Variants in TTN observed in about 807,000 individuals in gnomAD.
TTN encodes connectin.
A neutral mutation model predicts 3,223.0 loss-of-function variants in TTN; 1,525 were observed. That is an observed-to-expected ratio of 0.47 (90% confidence interval 0.45 to 0.49). TTN has a LOEUF of 0.49. Ranked by LOEUF, TTN falls within the 20% of genes least tolerant of loss-of-function variation. TTN has a pLI of 0.00. For synonymous variants in TTN, 14,094 were observed against 15,161.0 expected, an observed-to-expected ratio of 0.93 and a Z score of 5.17; for missense variants, 40,786 against 43,424.0, an observed-to-expected ratio of 0.94 and a Z score of 5.40.
rs776532148 is a variant in TTN, at chr2:178,621,553, T to C, written c.45271A>G (p.Asn15091Asp). Residue 15091 changes from asparagine (N) to aspartate (D), a missense_variant, in exon 245 of 363, where the codon AAC (asparagine) becomes GAC (aspartate). Coordinates refer to ENST00000589042, the MANE Select transcript of TTN (RefSeq NM_001267550.2). ...EGRKRILVIQ[N>D]AHLEDAGNYN... ...TTGCCAGCATCCTCAAGGTGAGCGT[T>C]CTGAATGACCAGGATTCTCTTCCGT... The C allele has an allele frequency of 2.5e-6, 4 of 1,612,534 alleles. No homozygotes were observed. In the East Asian group the frequency reaches 9.0e-5, roughly 36 times the overall value.
chr2:178,625,500 T>C, intron 240 of TTN, 104 bp from the exon 241 acceptor site: 1 of 1,324,658 alleles, frequency 7.5e-7, no homozygotes, highest in Non-Finnish European at 9.8e-7. Flanking sequence ...TCCAAGTTGT[T>C]TTATAATCAT....
intron 18 of TTN, 27 bp from the exon 19 acceptor site, chr2:178,782,629 G>A (rs1323611850): frequency 1.9e-6 from 3 of 1,611,716 alleles, no homozygotes; most frequent in Admixed American, 1.7e-5. Context: ...GTTTCTCATT[G>A]AGATGAGATG....
chr2:178,795,250 G>A lies in TTN; in HGVS notation c.917C>T (p.Ser306Phe). Reference sequence around the variant, plus strand: ...GGAGATTCTTGCTGCTGGAGACACGGACCTGAAAACCAAAAGGCAGAGGTC... The same window carrying A: ...GGAGATTCTTGCTGCTGGAGACACGAACCTGAAAACCAAAAGGCAGAGGTC... ...VRAPTPSPVR[S>F]VSPAARISTS... Residue 306 changes from serine to phenylalanine, a missense_variant and splice_region_variant, in exon 7 of 363, where the codon TCC (serine) becomes TTC (phenylalanine). Transcript: ENST00000589042. 6.2e-7 allele frequency: 1 copy of A among 1,614,070 alleles called. No individual in the cohort carries two copies. The highest frequency in any genetic ancestry group is 8.5e-7 in the Non-Finnish European group (1 of 1,179,980).
chr2:178,572,573 G>A lies in TTN; in HGVS notation c.73559C>T (p.Pro24520Leu). Residue 24520 changes from proline to leucine, a missense_variant, in exon 326 of 363, where the codon CCA becomes CTA. Pro to Leu is a moderately conservative substitution (Grantham distance 98). Coordinates refer to ENST00000589042, the MANE Select transcript of TTN (RefSeq NM_001267550.2). Reference protein sequence around the residue: ...AFVNVRVLDTPGPPQDLKVKE... With the variant: ...AFVNVRVLDTLGPPQDLKVKE... ...TACCTTCAGATCCTGTGGGGGGCCT[G>A]GTGTATCGAGAACTCTAACATTGAC... is the stretch of plus-strand genomic sequence containing the variant. 1 of 1,613,426 alleles carries A rather than the reference G, an allele frequency of 6.2e-7. No homozygotes were observed. The highest frequency in any genetic ancestry group is 8.5e-7 in the Non-Finnish European group (1 of 1,179,616).
chr2:178,573,432 T>C lies in TTN; in HGVS notation c.72700A>G (p.Ile24234Val), dbSNP rs746673481. ...CAGACAACCATCGAATCTTTAGTAATAGTTGTCACTTCAGGGTTTTTGGGC... is the reference window on the plus strand; with the variant it reads ...CAGACAACCATCGAATCTTTAGTAACAGTTGTCACTTCAGGGTTTTTGGGC... ...DPPKNPEVTT[I>V]TKDSMVVCWG... is the part of the protein sequence containing the mutation. The change falls in exon 326 of 363, where the codon ATT (isoleucine) becomes GTT (valine). Residue 24234 changes from isoleucine (I) to valine (V), a missense_variant. Coordinates refer to ENST00000589042, the MANE Select transcript of TTN (RefSeq NM_001267550.2). The C allele has an allele frequency of 1.3e-6, 2 of 1,518,346 alleles. No homozygotes were observed. The highest frequency in any genetic ancestry group is 2.3e-5 in the Admixed American group (1 of 44,062). 94.1% of individuals were successfully genotyped at this position (1,518,346 alleles called of 1,614,324 possible). A position where few individuals can be genotyped will look rare whatever the true frequency, so the allele number is the denominator to read the frequency against.
chr2:178,712,269 G>C (rs371559135), intron 95 of TTN, 46 bp downstream of exon 95: 1 of 1,608,352 alleles, frequency 6.2e-7, no homozygotes, highest in African/African-American at 1.3e-5. Flanking sequence ...AGACATGCCA[G>C]ATCATCGATT....
At position 178,718,732 on chromosome 2, in the gene TTN, A is replaced by T; in HGVS notation, c.24468T>A (p.Ala8156=). 1 of 1,613,846 alleles carries T rather than the reference A, an allele frequency of 6.2e-7. No individual in the cohort carries two copies. Among genetic ancestry groups the T allele is most frequent in the Non-Finnish European group, 8.5e-7 (1 of 1,179,750 alleles). Residue 8156 remains alanine, a synonymous_variant, in exon 84 of 363, where the codon GCT becomes GCA. Coordinates refer to ENST00000589042, the MANE Select transcript of TTN (RefSeq NM_001267550.2). ...GATGTGTGGTACAGGAAGCACTGCC[A>T]GCATCATTTGTAACGAGGCAAGAAT... ...GDYSCLVTND[A]GSASCTTHLF...
At chr2:178,608,542 T>A in intron 274 of TTN, 64 bp downstream of exon 274, 10 of 1,564,314 alleles carry the variant, frequency 6.4e-6, no homozygotes, top group Non-Finnish European at 7.8e-6. Flanking sequence ...TTTTAAAAGC[T>A]GTAGTAATTA....
At position 178,663,651 on chromosome 2, in the gene TTN, C is replaced by T. The variant is rs2163008; in HGVS notation, c.36508G>A (p.Glu12170Lys). Reference sequence around the variant, plus strand: ...CCTTTAACAGGTGGGACTTCAGGCTCTTTAGGAGGAGCCACTGGCGCTTTC... The same window carrying T: ...CCTTTAACAGGTGGGACTTCAGGCTTTTTAGGAGGAGCCACTGGCGCTTTC... ...EKKAPVAPPK[E>K]PEVPPVKVPE... Residue 12170 changes from glutamate to lysine, a missense_variant, in exon 171 of 363, where the codon GAG becomes AAG. Physicochemically the swap from Glu to Lys is moderately conservative, Grantham distance 56 (BLOSUM62 1). Coordinates refer to ENST00000589042, the MANE Select transcript of TTN (RefSeq NM_001267550.2). 0.099 allele frequency: 159,303 copies of T among 1,612,440 alleles called. 16,128 individuals carry two copies. The highest frequency in any genetic ancestry group is 0.47 in the African/African-American group (35,166 of 74,642).
At chr2:178,783,638 A>G in intron 17 of TTN, 82 bp downstream of exon 17, 1 of 1,241,362 alleles carries the variant, frequency 8.1e-7, no homozygotes, top group Non-Finnish European at 1.2e-6. Flanking sequence ...TATTAATTTG[A>G]GAAACTGATC....
At position 178,564,962 on chromosome 2, in the gene TTN, G is replaced by T. The variant is rs1705146813; in HGVS notation, c.81170C>A (p.Ala27057Asp). ...AATAACTGCCTTAGAATCCAGTGGG[G>T]CACTTTTTCCATACCTGTTTTCAGC... ...IFAENRYGKS[A>D]PLDSKAVIVQ... Residue 27057 changes from alanine (A) to aspartate (D), a missense_variant, in exon 326 of 363, where the codon GCC becomes GAC. Physicochemically the swap from Ala to Asp is moderately radical, Grantham distance 126. Coordinates refer to ENST00000589042, the MANE Select transcript of TTN (RefSeq NM_001267550.2). 1.2e-6 allele frequency: 2 copies of T among 1,611,896 alleles called. No individual in the cohort carries two copies. Among genetic ancestry groups the T allele is most frequent in the Admixed American group, 3.3e-5 (2 of 59,766 alleles).
rs10203085 is a variant in TTN at position 178,706,970 on chromosome 2, C to T, written c.29042-16G>A. 0.043 allele frequency: 68,276 copies of T among 1,588,458 alleles called. 3,160 individuals are homozygous for T. The highest frequency in any genetic ancestry group is 0.17 in the Admixed American group (9,601 of 56,134). The stretch of plus-strand genomic sequence containing the variant: ...GCTGGTTTGTCTGAAAAAACATTTA[C>T]ATGTTTTGTTACTACAATCACCTCA... On this transcript the variant is annotated splice_polypyrimidine_tract_variant and intron_variant, in intron 100 of 362. Coordinates refer to ENST00000589042, the MANE Select transcript of TTN (RefSeq NM_001267550.2).
At chr2:178,545,754 T>G in intron 343 of TTN, 61 bp from the exon 344 acceptor site, 1 of 1,597,188 alleles carries the variant, frequency 6.3e-7, no homozygotes, top group South Asian at 1.1e-5. Flanking sequence ...AGACTGCCCT[T>G]CTCCCTTCTC....
Position 178,582,294 on chromosome 2 carries a change from A to G in TTN, c.66160+2T>C, listed in dbSNP as rs753146898. 6.3e-7 allele frequency: 1 copy of G among 1,581,976 alleles called. No homozygotes were observed. The highest frequency in any genetic ancestry group is 2.0e-5 in the Admixed American group (1 of 51,124). Reference sequence around the variant, plus strand: ...TGAAAAACCACCGGGAAATGTTCCTACCATATGGGTTTTTGGCAATTGCTG... The same window carrying G: ...TGAAAAACCACCGGGAAATGTTCCTGCCATATGGGTTTTTGGCAATTGCTG... On this transcript the variant is annotated splice_donor_variant, in intron 314 of 362. Coordinates refer to ENST00000589042, the MANE Select transcript of TTN (RefSeq NM_001267550.2). LOFTEE classifies it high-confidence loss of function.
intron 256 of TTN, 45 bp downstream of exon 256, chr2:178,616,684 T>A (rs1298429256): frequency 3.1e-6 from 5 of 1,611,782 alleles, no homozygotes; most frequent in Non-Finnish European, 3.4e-6. Context: ...TAATATTTGT[T>A]AATACTGCCA....
intron 223 of TTN, among the ~76,000 whole-genome samples, chr2:178,638,669 C>T (rs2060823428): frequency 6.6e-6 from 1 of 151,224 alleles, no homozygotes; most frequent in Admixed American, 6.6e-5. Flanking sequence ...ATCTTAGATT[C>T]TTCACATCTT....
In TTN at chr2:178,616,476, C is replaced by T; in HGVS notation, c.48312+3G>A. 6.2e-7 allele frequency: 1 copy of T among 1,611,908 alleles called. No individual in the cohort carries two copies. The highest frequency in any genetic ancestry group is 1.1e-5 in the South Asian group (1 of 90,926). ...CATTGATGCAGTGCTGCTCAAAACT[C>T]ACTTTAGTCCATGTTTTCCGGCTGA... is the stretch of plus-strand genomic sequence containing the variant. On this transcript the variant is annotated splice_donor_region_variant and intron_variant, in intron 257 of 362. Coordinates refer to ENST00000589042, the MANE Select transcript of TTN (RefSeq NM_001267550.2).
Position 178,597,942 on chromosome 2 carries a change from C to A in TTN, c.57228G>T (p.Glu19076Asp), listed in dbSNP as rs1288756593. 6 of 1,613,318 alleles carry A rather than the reference C, an allele frequency of 3.7e-6. No individual in the cohort carries two copies. The South Asian group carries it at 6.6e-5, about 18-fold the overall frequency. The change falls in exon 293 of 363, where the codon GAG becomes GAT. Residue 19076 changes from glutamate (E) to aspartate (D), a missense_variant. Glu to Asp is a conservative substitution (Grantham distance 45, BLOSUM62 2). Coordinates refer to ENST00000589042, the MANE Select transcript of TTN (RefSeq NM_001267550.2). ...CCTTCATTTCAATGACATCTGTGAC[C>A]TCTCCAGGTTCTCCAATGCCAGCAA... ...VNIAGIGEPG[E>D]VTDVIEMKDR...
chr2:178,730,794 T>C lies in TTN; in HGVS notation c.17741-2A>G. ...TGAATGAAGGAGGTATGATAAGATC[T>C]ATTCAATGAAAAAGCAAACAACAAC... On this transcript the variant is annotated splice_acceptor_variant, in intron 60 of 362. Coordinates refer to ENST00000589042, the MANE Select transcript of TTN (RefSeq NM_001267550.2). LOFTEE classifies it high-confidence loss of function. The C allele has an allele frequency of 6.4e-7, 1 of 1,562,686 alleles. No individual in the cohort carries two copies. The highest frequency in any genetic ancestry group is 8.6e-7 in the Non-Finnish European group (1 of 1,157,768).
Sources: allele counts gnomAD v4.1 joint callset (sites outside exome capture counted in the v4.1 genomes callset), GRCh38; gene constraint gnomAD v4.1.1; transcripts MANE v1.5; gene names NCBI Gene and HGNC (gene_info 2026-07-23, HGNC 2026-07-21).